The following IQCM variants were observed in gnomAD, a reference collection of about 807,000 sequenced individuals.
IQCM encodes the protein IQ motif containing M.
IQCM carries 45 observed loss-of-function variants against 57.6 expected under a neutral mutation model. The observed-to-expected ratio is 0.78, with a 90% CI of 0.62 to 1.00. IQCM has a LOEUF of 1.00. IQCM is among the 50% of genes least tolerant of loss of function. The pLI is 0.00. For synonymous variants in IQCM, 148 were observed against 158.9 expected, an observed-to-expected ratio of 0.93 and a Z score of 0.51; for missense variants, 468 against 511.6, an observed-to-expected ratio of 0.91 and a Z score of 0.82.
At chr4:149,755,656 C>T (rs914564855) in intron 2 of IQCM, among the ~76,000 whole-genome samples, 1 of 152,152 alleles carries the variant, frequency 6.6e-6, no homozygotes, top group Non-Finnish European at 1.5e-5. Flanking sequence ...TACTATTTAA[C>T]ATACAATATA....
intron 10 of IQCM, among the ~76,000 whole-genome samples, chr4:149,562,777 A>T (rs953645485): frequency 6.6e-6 from 1 of 152,188 alleles, no homozygotes; most frequent in Non-Finnish European, 1.5e-5. Context: ...ATATTAATTT[A>T]TACATGTTAG....
At chr4:149,398,939 T>C (rs1732425145) in intron 13 of IQCM, among the ~76,000 whole-genome samples, 1 of 152,102 alleles carries the variant, frequency 6.6e-6, no homozygotes. Flanking sequence ...CTCACTATGT[T>C]GCCCAGGCTG....
chr4:149,717,956 A>G (rs1765139213), intron 5 of IQCM, among the ~76,000 whole-genome samples: 1 of 152,240 alleles, frequency 6.6e-6, no homozygotes, highest in African/African-American at 2.4e-5. Context: ...AGTAGTTAGT[A>G]ACATGGTGGC....
intron 12 of IQCM, among the ~76,000 whole-genome samples, chr4:149,484,842 A>G (rs1313425713): frequency 2.0e-5 from 3 of 152,076 alleles, no homozygotes; most frequent in Non-Finnish European, 4.4e-5. Flanking sequence ...CTTTAGGATT[A>G]AAGAATTCCC....
chr4:149,514,278 C>T (rs190349795), intron 12 of IQCM, among the ~76,000 whole-genome samples: 24 of 152,222 alleles, frequency 1.6e-4, no homozygotes, highest in Non-Finnish European at 2.8e-4. Context: ...TTGAGATCTG[C>T]TGAATTAGAT....
Position 149,702,332 on chromosome 4 carries a change from C to CACT in IQCM, c.386-15865_386-15864insAGT, listed in dbSNP as rs1763837859. ...CACACACACACACACACACACACAC[C>CACT]CATAGCACATTGGCATTTGACCACC... On this transcript the variant is annotated intron_variant, in intron 5 of 13. Transcript: ENST00000636793. Among the ~76,000 whole-genome samples the CACT allele has an allele frequency of 3.0e-5, 4 of 133,754 alleles. No homozygotes were observed. In the Admixed American group the frequency reaches 3.0e-4, roughly 10 times the overall value. The allele number at this position is 133,754 out of a possible 152,430, so 87.7% of individuals were successfully genotyped here. A position where few individuals can be genotyped will look rare whatever the true frequency, so the allele number is the denominator to read the frequency against.
chr4:149,606,350 A>C (rs553738481), intron 8 of IQCM, among the ~76,000 whole-genome samples: 63 of 152,312 alleles, frequency 4.1e-4, no homozygotes, highest in African/African-American at 1.5e-3. Context: ...CTGGTGTACC[A>C]TAGTGCTGAA....
At chr4:149,797,806 C>CT (rs945707791) in intron 2 of IQCM, among the ~76,000 whole-genome samples, 5 of 150,298 alleles carry the variant, frequency 3.3e-5, no homozygotes, top group African/African-American at 9.7e-5. Flanking sequence ...AAAAAAAAAA[C>CT]TTTTTCTCTA....
intron 2 of IQCM, among the ~76,000 whole-genome samples, chr4:149,751,485 C>T (rs1156492565): frequency 1.3e-5 from 2 of 152,086 alleles, no homozygotes; most frequent in East Asian, 3.9e-4. Flanking sequence ...GAGATTTTCC[C>T]GGCTTTAAAA....
At chr4:149,596,230 G>C (rs924008847) in intron 8 of IQCM, among the ~76,000 whole-genome samples, 3 of 152,212 alleles carry the variant, frequency 2.0e-5, no homozygotes, top group African/African-American at 7.2e-5. Flanking sequence ...GGGGATTGCT[G>C]TTTCTAGGAA....
At chr4:149,440,143 T>A (rs1347159939) in intron 12 of IQCM, among the ~76,000 whole-genome samples, 1 of 147,222 alleles carries the variant, frequency 6.8e-6, no homozygotes, top group Non-Finnish European at 1.5e-5. Context: ...TTTTTTTTTT[T>A]TTTTAGTAGA....
chr4:149,465,897 C>T (rs1209860134), intron 12 of IQCM, among the ~76,000 whole-genome samples: 1 of 151,988 alleles, frequency 6.6e-6, no homozygotes, highest in Non-Finnish European at 1.5e-5. Flanking sequence ...CCTCATGTCA[C>T]CAGTTTCCAT....
chr4:149,811,964 G>A (rs1321484708), intron 2 of IQCM, among the ~76,000 whole-genome samples: 1 of 152,168 alleles, frequency 6.6e-6, no homozygotes, highest in Non-Finnish European at 1.5e-5. Flanking sequence ...CATTCAGGGA[G>A]ATATGTTTTG....
chr4:149,454,484 GGGT>G (rs1025823673), intron 12 of IQCM, among the ~76,000 whole-genome samples: 6 of 151,772 alleles, frequency 4.0e-5, no homozygotes, highest in African/African-American at 1.5e-4. Context: ...AGTGGGAGGA[GGGT>G]GAGGATCAAA....
At chr4:149,562,412 CA>C (rs1750213525) in intron 10 of IQCM, among the ~76,000 whole-genome samples, 2 of 151,986 alleles carry the variant, frequency 1.3e-5, no homozygotes, top group African/African-American at 4.8e-5. Context: ...AAGAGACATC[CA>C]GGTTTATGGC....
intron 5 of IQCM, among the ~76,000 whole-genome samples, chr4:149,701,255 G>A (rs1227809581): frequency 6.6e-6 from 1 of 151,944 alleles, no homozygotes; most frequent in Admixed American, 6.6e-5. Context: ...CCAAAGTAAT[G>A]ACCAAAAATA....
At chr4:149,693,529 A>G (rs1204385244) in intron 5 of IQCM, among the ~76,000 whole-genome samples, 3 of 152,136 alleles carry the variant, frequency 2.0e-5, no homozygotes, top group Non-Finnish European at 2.9e-5. Flanking sequence ...TACTCTCTCA[A>G]TTCAGACCTT....
intron 12 of IQCM, among the ~76,000 whole-genome samples, chr4:149,524,459 AT>A (rs1429090030): frequency 6.6e-6 from 1 of 152,098 alleles, no homozygotes; most frequent in African/African-American, 2.4e-5. Context: ...AACATTTAAA[AT>A]AAAGAAACTA....
intron 8 of IQCM, among the ~76,000 whole-genome samples, chr4:149,605,797 A>C (rs1579671566): frequency 1.4e-5 from 2 of 141,848 alleles, no homozygotes; most frequent in East Asian, 4.1e-4. Flanking sequence ...CCCTCCCCCA[A>C]CTCCTGAGTC....
Sources: gnomAD v4.1 joint callset for allele counts (sites outside exome capture counted in the v4.1 genomes callset) on GRCh38, gnomAD v4.1.1 for gene constraint, MANE v1.5 for transcripts, NCBI Gene and HGNC (gene_info 2026-07-23, HGNC 2026-07-21) for gene names.